The following ITGBL1 variants were observed in gnomAD, a reference collection of about 807,000 sequenced individuals.
ITGBL1 encodes integrin beta-like protein 1.
Under a neutral mutation model 68.5 loss-of-function variants are expected in ITGBL1, and 51 were observed. That is an observed-to-expected ratio of 0.74 (90% confidence interval 0.59 to 0.94). The LOEUF is 0.94. ITGBL1 is among the 40% of genes least tolerant of loss of function. The pLI, the probability that ITGBL1 is intolerant of heterozygous loss-of-function variation, is 0.00. For synonymous variants in ITGBL1, 209 were observed against 227.3 expected (o/e 0.92, Z 0.72); for missense variants, 649 against 647.4 (o/e 1.00, Z -0.03).
chr13:101,649,678 G>T (rs775575992), intron 7 of ITGBL1, among the ~76,000 whole-genome samples: 5 of 152,110 alleles, frequency 3.3e-5, no homozygotes, highest in Non-Finnish European at 7.4e-5. Context: ...TTGCTCAAGA[G>T]CCTTTGGCTG....
intron 2 of ITGBL1, among the ~76,000 whole-genome samples, chr13:101,461,634 G>T (rs1429813180): frequency 6.6e-6 from 1 of 152,162 alleles, no homozygotes; most frequent in South Asian, 2.1e-4. Flanking sequence ...GATTGAGGCT[G>T]CAGTGAGCTA....
chr13:101,533,330 T>A (rs2049514719), intron 2 of ITGBL1, among the ~76,000 whole-genome samples: 1 of 152,150 alleles, frequency 6.6e-6, no homozygotes, highest in Non-Finnish European at 1.5e-5. Flanking sequence ...CTTTTCTCCT[T>A]CTCTCAAAGA....
At chr13:101,527,062 T>G (rs953300462) in intron 2 of ITGBL1, among the ~76,000 whole-genome samples, 1 of 152,128 alleles carries the variant, frequency 6.6e-6, no homozygotes, top group Non-Finnish European at 1.5e-5. Context: ...ACCCTAGTTA[T>G]GTCTCTTTAG....
At chr13:101,591,869 A>G (rs1410604929) in intron 6 of ITGBL1, among the ~76,000 whole-genome samples, 1 of 152,078 alleles carries the variant, frequency 6.6e-6, no homozygotes, top group Non-Finnish European at 1.5e-5. Context: ...GTTTATTAGG[A>G]ATTATGGAAA....
At chr13:101,658,350 A>T (rs1338532774) in intron 7 of ITGBL1, among the ~76,000 whole-genome samples, 3 of 152,234 alleles carry the variant, frequency 2.0e-5, no homozygotes, top group Non-Finnish European at 2.9e-5. Flanking sequence ...TAGTTAAAAT[A>T]CTAGAAGAAA....
intron 2 of ITGBL1, among the ~76,000 whole-genome samples, chr13:101,548,146 T>C (rs2049860140): frequency 6.6e-6 from 1 of 151,790 alleles, no homozygotes; most frequent in Non-Finnish European, 1.5e-5. Flanking sequence ...GAAAAGAAGG[T>C]CAATTTCCAA....
intron 7 of ITGBL1, among the ~76,000 whole-genome samples, chr13:101,604,176 A>T (rs1023063016): frequency 4.0e-5 from 6 of 151,886 alleles, no homozygotes; most frequent in Non-Finnish European, 8.8e-5. Context: ...ACTTATAGCA[A>T]TGGTTTTTCA....
Position 101,706,744 on chromosome 13 carries a change from G to A in ITGBL1, c.1133-12G>A, listed in dbSNP as rs112887260. 9.4e-4 allele frequency: 1,510 copies of A among 1,612,046 alleles called. 16 individuals carry two copies. The African/African-American group carries it at 0.018, about 19-fold the overall frequency. On this transcript the variant is annotated splice_polypyrimidine_tract_variant and intron_variant, in intron 8 of 10. Coordinates refer to ENST00000376180, the MANE Select transcript of ITGBL1 (RefSeq NM_004791.3). ...CTCATCCTCTCACTCCTTTCCTGTG[G>A]TTGCTTCACAGGCCACGGCACATGT...
intron 8 of ITGBL1, among the ~76,000 whole-genome samples, chr13:101,703,899 C>T (rs960704519): frequency 6.6e-6 from 1 of 152,114 alleles, no homozygotes; most frequent in African/African-American, 2.4e-5. Context: ...TGAAGGCAGC[C>T]AGATTCTCTT....
chr13:101,458,253 G>C (rs746123038), intron 2 of ITGBL1, among the ~76,000 whole-genome samples: 2 of 152,194 alleles, frequency 1.3e-5, no homozygotes, highest in Non-Finnish European at 2.9e-5. Flanking sequence ...TTGAGAAAGA[G>C]GTAGCATTTG....
At chr13:101,680,988 T>C (rs563357327) in intron 7 of ITGBL1, among the ~76,000 whole-genome samples, 3 of 152,312 alleles carry the variant, frequency 2.0e-5, no homozygotes, top group Non-Finnish European at 2.9e-5. Context: ...GCAGGCCCTG[T>C]GTGCACGTGC....
chr13:101,587,120 T>C (rs1385393219), intron 6 of ITGBL1, among the ~76,000 whole-genome samples: 1 of 152,190 alleles, frequency 6.6e-6, no homozygotes, highest in African/African-American at 2.4e-5. Flanking sequence ...CGGATTAGTT[T>C]AAGTTAGCTC....
At chr13:101,477,249 G>C (rs1374180701) in intron 2 of ITGBL1, among the ~76,000 whole-genome samples, 2 of 152,056 alleles carry the variant, frequency 1.3e-5, no homozygotes, top group Non-Finnish European at 2.9e-5. Context: ...TGACCAATGG[G>C]TCAATGAAGT....
chr13:101,548,822 A>G (rs1345364955), intron 2 of ITGBL1, among the ~76,000 whole-genome samples: 2 of 151,786 alleles, frequency 1.3e-5, no homozygotes, highest in African/African-American at 2.4e-5. Flanking sequence ...AAATTATTGT[A>G]TATCTGTGAA....
At chr13:101,560,651 C>T (rs940198570) in intron 2 of ITGBL1, among the ~76,000 whole-genome samples, 2 of 152,118 alleles carry the variant, frequency 1.3e-5, no homozygotes, top group Middle Eastern at 3.2e-3. Context: ...TTTGCACTTA[C>T]CTCAAAAGTT....
chr13:101,543,584 C>T (rs1041359754), intron 2 of ITGBL1, among the ~76,000 whole-genome samples: 17 of 152,112 alleles, frequency 1.1e-4, no homozygotes, highest in Non-Finnish European at 2.4e-4. Flanking sequence ...CTCTGTATTT[C>T]CTGAGTTTGA....
At chr13:101,642,994 G>A (rs1468938710) in intron 7 of ITGBL1, among the ~76,000 whole-genome samples, 3 of 147,246 alleles carry the variant, frequency 2.0e-5, no homozygotes, top group Admixed American at 1.4e-4. Context: ...AAGTCAGGTA[G>A]CGTGATGCCT....
chr13:101,564,147 A>G (rs1021059029), intron 2 of ITGBL1, among the ~76,000 whole-genome samples: 1 of 151,990 alleles, frequency 6.6e-6, no homozygotes, highest in African/African-American at 2.4e-5. Context: ...TACTGATTCT[A>G]GACTTTATAT....
intron 2 of ITGBL1, among the ~76,000 whole-genome samples, chr13:101,470,868 A>G (rs2048447240): frequency 6.7e-6 from 1 of 149,872 alleles, no homozygotes; most frequent in Admixed American, 6.8e-5. Context: ...TAGAATTGCT[A>G]CATCCTTCTT....
Sources: allele counts gnomAD v4.1 joint callset (sites outside exome capture counted in the v4.1 genomes callset), GRCh38; gene constraint gnomAD v4.1.1; transcripts MANE v1.5; gene names NCBI Gene and HGNC (gene_info 2026-07-23, HGNC 2026-07-21).